RNF216: variants seen among roughly 807,000 people sequenced by gnomAD.
The protein encoded by RNF216 is E3 ubiquitin-protein ligase RNF216.
In RNF216, 72 loss-of-function variants were observed where a neutral mutation model predicts 110.8. That is an observed-to-expected ratio of 0.65 (90% CI 0.54 to 0.79). RNF216 has a LOEUF of 0.79. RNF216 is among the 30% of genes least tolerant of loss of function. RNF216 has a pLI of 0.00. For synonymous variants in RNF216, 495 were observed against 407.5 expected, an observed-to-expected ratio of 1.21 and a Z score of -2.59; for missense variants, 1,342 against 1,141.2, an observed-to-expected ratio of 1.18 and a Z score of -2.54.
chr7:5,741,102 T>C lies in RNF216; in HGVS notation c.915A>G (p.Ala305=). The C allele has an allele frequency of 6.2e-7, 1 of 1,614,160 alleles. No individual in the cohort carries two copies. The highest frequency in any genetic ancestry group is 1.1e-5 in the South Asian group (1 of 91,080). The change falls in exon 4 of 17, where the codon GCA becomes GCG. Residue 305 remains alanine, a synonymous_variant. Transcript: ENST00000389902. The part of the protein sequence containing the change: ...PLGEFEDQQL[A]SDDEEPGPAF... The stretch of plus-strand genomic sequence containing the variant: ...CTGGACCTGGCTCTTCATCATCACT[T>C]GCTAACTGCTGGTCTTCAAACTCTC...
At chr7:5,721,577 G>C (rs750544172) in intron 8 of RNF216, among the ~76,000 whole-genome samples, 2 of 152,144 alleles carry the variant, frequency 1.3e-5, no homozygotes, top group Non-Finnish European at 2.9e-5. Flanking sequence ...CTAGATCATG[G>C]GATAGGCTTA....
chr7:5,678,470 C>T (rs988448304), intron 13 of RNF216, among the ~76,000 whole-genome samples: 2 of 152,212 alleles, frequency 1.3e-5, no homozygotes, highest in African/African-American at 2.4e-5. Context: ...TTCATGCCAC[C>T]TGGCGTCCCC....
intron 5 of RNF216, among the ~76,000 whole-genome samples, chr7:5,738,022 G>A (rs1164450825): frequency 6.8e-6 from 1 of 146,178 alleles, no homozygotes; most frequent in Admixed American, 6.9e-5. Context: ...GGGAGGTGGA[G>A]ACTGCTGTTT....
chr7:5,653,143 C>G (rs767022604), intron 13 of RNF216, among the ~76,000 whole-genome samples: 1 of 146,844 alleles, frequency 6.8e-6, no homozygotes, highest in African/African-American at 2.4e-5. Flanking sequence ...AGACTTTCCT[C>G]CGTTGCTCAT....
intron 1 of RNF216, among the ~76,000 whole-genome samples, chr7:5,770,229 A>C (rs902847976): frequency 6.6e-6 from 1 of 151,816 alleles, no homozygotes; most frequent in African/African-American, 2.4e-5. Flanking sequence ...TCGGAGGCCA[A>C]GGTGGGCGGA....
At chr7:5,677,839 G>C (rs1361349088) in intron 13 of RNF216, among the ~76,000 whole-genome samples, 2 of 152,134 alleles carry the variant, frequency 1.3e-5, no homozygotes, top group Non-Finnish European at 2.9e-5. Context: ...GTAGAATCAG[G>C]GGAAGGAGGA....
intron 3 of RNF216, among the ~76,000 whole-genome samples, chr7:5,750,341 T>C (rs527584783): frequency 5.6e-4 from 86 of 152,336 alleles, no homozygotes; most frequent in African/African-American, 1.8e-3. Context: ...AAAGACCAAT[T>C]TGAGATTCCT....
At chr7:5,744,776 C>G (rs2128657088) in intron 3 of RNF216, among the ~76,000 whole-genome samples, 2 of 152,174 alleles carry the variant, frequency 1.3e-5, no homozygotes, top group South Asian at 4.2e-4. Context: ...AGTTTGAGAC[C>G]AGCCTGACCA....
In RNF216 at chr7:5,720,078, C is replaced by T. The variant is rs188335936; in HGVS notation, c.1644+955G>A. The stretch of plus-strand genomic sequence containing the variant: ...GTGGTGAAGAAAACAATGATTGTGA[C>T]GATGGCTCTACGACACTGGCCTGAT... On this transcript the variant is annotated intron_variant, in intron 9 of 16. Transcript: ENST00000389902. 3.4e-3 allele frequency among the ~76,000 whole-genome samples: 515 copies of T among 152,336 alleles called. 9 individuals carry two copies. Among genetic ancestry groups the T allele is most frequent in the East Asian group, 7.1e-3 (37 of 5,190 alleles).
chr7:5,677,123 T>G (rs964687592), intron 13 of RNF216, among the ~76,000 whole-genome samples: 6 of 152,222 alleles, frequency 3.9e-5, no homozygotes, highest in African/African-American at 1.2e-4. Context: ...GTTTACATAG[T>G]GTGGAAAACA....
Position 5,754,122 on chromosome 7 carries a change from GT to G in RNF216, c.68-1144del, listed in dbSNP as rs1795484352. 7.8e-3 allele frequency among the ~76,000 whole-genome samples: 67 copies of G among 8,600 alleles called. No individual in the cohort carries two copies. In the East Asian group the frequency reaches 0.082, roughly 11 times the overall value. 5.6% of individuals were successfully genotyped at this position (8,600 alleles called of 152,430 possible). A position where few individuals can be genotyped will look rare whatever the true frequency, so the allele number is the denominator to read the frequency against. On this transcript the variant is annotated intron_variant, in intron 2 of 16. Coordinates refer to ENST00000389902, the MANE Select transcript of RNF216 (RefSeq NM_207111.4). ...CTGTAATGTTTTTCTTTTGTGTGGT[GT>G]GTGTGTGTGTGTGTGTGTGTGTGTG...
intron 13 of RNF216, among the ~76,000 whole-genome samples, chr7:5,681,993 C>T (rs1469654980): frequency 6.6e-6 from 1 of 152,236 alleles, no homozygotes; most frequent in Non-Finnish European, 1.5e-5. Flanking sequence ...TGGGTCACAG[C>T]CCACTGGCAC....
intron 13 of RNF216, 117 bp downstream of exon 13, chr7:5,711,644 A>T (rs1371685281): frequency 2.5e-6 from 2 of 787,270 alleles, no homozygotes; most frequent in Non-Finnish European, 4.2e-6. Context: ...TGAAAAGGAA[A>T]GCACTCAAAT....
At chr7:5,734,089 T>G (rs1457737472) in intron 5 of RNF216, among the ~76,000 whole-genome samples, 4 of 152,194 alleles carry the variant, frequency 2.6e-5, no homozygotes, top group Admixed American at 1.3e-4. Context: ...ACAATTCTGC[T>G]GGAAGACACA....
chr7:5,779,631 G>A (rs2128688419), intron 1 of RNF216, among the ~76,000 whole-genome samples: 1 of 148,470 alleles, frequency 6.7e-6, no homozygotes, highest in African/African-American at 2.5e-5. Flanking sequence ...CCAGGAGTTG[G>A]GCAGCACAGC....
chr7:5,732,502 T>C (rs61210914), intron 5 of RNF216, among the ~76,000 whole-genome samples: 9,852 of 152,288 alleles, frequency 0.065, 533 homozygotes, highest in African/African-American at 0.14. Context: ...ATTTTATATT[T>C]GCAACAATAT....
At chr7:5,641,439 T>C in intron 14 of RNF216, 63 bp from the exon 15 acceptor site, 1 of 1,255,618 alleles carries the variant, frequency 8.0e-7, no homozygotes, top group South Asian at 1.3e-5. Flanking sequence ...AATATGGCCA[T>C]TAAGCATTTA....
chr7:5,771,006 C>T (rs1160440024), intron 1 of RNF216, among the ~76,000 whole-genome samples: 1 of 152,144 alleles, frequency 6.6e-6, no homozygotes, highest in African/African-American at 2.4e-5. Context: ...CAGGGTTTCA[C>T]CATGTTGGCC....
At chr7:5,674,255 C>A (rs1375687964) in intron 13 of RNF216, among the ~76,000 whole-genome samples, 1 of 152,052 alleles carries the variant, frequency 6.6e-6, no homozygotes, top group Non-Finnish European at 1.5e-5. Flanking sequence ...GTCTCACACT[C>A]CTGACCTCAT....
Sources: allele counts gnomAD v4.1 joint callset (sites outside exome capture counted in the v4.1 genomes callset), GRCh38; gene constraint gnomAD v4.1.1; transcripts MANE v1.5; gene names NCBI Gene and HGNC (gene_info 2026-07-23, HGNC 2026-07-21).